Variants in SLC28A1 observed in about 807,000 individuals in gnomAD.
The protein encoded by SLC28A1 is sodium/nucleoside cotransporter 1.
In SLC28A1, 64 loss-of-function variants were observed where a neutral mutation model predicts 74.8. That is an observed-to-expected ratio of 0.86 (90% CI 0.70 to 1.05). The LOEUF is 1.05. Among genes scored for constraint, SLC28A1 ranks in the 50% least tolerant of loss-of-function variants. SLC28A1 has a pLI of 0.00. For missense variants in SLC28A1, 828 were observed against 822.8 expected, an observed-to-expected ratio of 1.01 and a Z score of -0.08; for synonymous variants, 359 against 335.0, an observed-to-expected ratio of 1.07 and a Z score of -0.78.
intron 9 of SLC28A1, among the ~76,000 whole-genome samples, chr15:84,910,467 G>A (rs528766933): frequency 3.1e-4 from 47 of 152,310 alleles, no homozygotes; most frequent in East Asian, 3.9e-4. Flanking sequence ...GGTGGCTCAT[G>A]CCTGTAATCC....
chr15:84,952,955 A>C, the SLC28A1 span, among the ~76,000 whole-genome samples: 1 of 152,250 alleles, frequency 6.6e-6, no homozygotes, highest in South Asian at 2.1e-4. Context: ...TTATCCCTTG[A>C]AACTTCCTTC....
At chr15:84,956,442 C>CTTT in the SLC28A1 span, among the ~76,000 whole-genome samples, 9 of 124,656 alleles carry the variant, frequency 7.2e-5, no homozygotes, top group African/African-American at 2.7e-4. Flanking sequence ...TTCCTTCCTT[C>CTTT]CTTTCTTTCT....
intron 12 of SLC28A1, among the ~76,000 whole-genome samples, chr15:84,928,590 CTTTCTTTCTTTCT>C (rs1970852104): frequency 6.5e-5 from 1 of 15,358 alleles, no homozygotes; most frequent in Admixed American, 5.2e-4. Context: ...TTCTTTCTTT[CTTTCTTTCTTTCT>C]TTTCTTTCTT....
chr15:84,975,578 G>C, the SLC28A1 span: 1 of 455,754 alleles, frequency 2.2e-6, no homozygotes, highest in Non-Finnish European at 4.4e-6. Context: ...GTATCTTGGA[G>C]GCTCTCAGCT....
At chr15:84,910,066 G>C (rs1967909040) in intron 9 of SLC28A1, among the ~76,000 whole-genome samples, 1 of 152,176 alleles carries the variant, frequency 6.6e-6, no homozygotes, top group Non-Finnish European at 1.5e-5. Flanking sequence ...TCCCCTTGGA[G>C]CCTTAGCATC....
intron 9 of SLC28A1, among the ~76,000 whole-genome samples, chr15:84,913,425 T>C (rs1968627589): frequency 6.6e-6 from 1 of 152,154 alleles, no homozygotes; most frequent in Non-Finnish European, 1.5e-5. Context: ...AAAGCCTGTT[T>C]CTTGGCCCAG....
At position 84,935,342 on chromosome 15, in the gene SLC28A1, C is replaced by CGGCCTG; in HGVS notation, c.1406_1411dup (p.Pro470_Val471insGlyPro). On this transcript the variant is annotated inframe_insertion, in exon 15 of 19. Coordinates refer to ENST00000394573, the MANE Select transcript of SLC28A1 (RefSeq NM_004213.5). ...TCAGCTCATCTGCTCCTACATCCTG[C>CGGCCTG]GGCCTGTAGCCTTCTTGATGGGTGT... 1 of 1,614,184 alleles carries CGGCCTG rather than the reference C, an allele frequency of 6.2e-7. No individual in the cohort carries two copies. Among genetic ancestry groups the CGGCCTG allele is most frequent in the East Asian group, 2.2e-5 (1 of 44,884 alleles).
At chr15:84,908,591 C>CA (rs1203780555) in intron 8 of SLC28A1, 127 bp from the exon 9 acceptor site, 17 of 763,852 alleles carry the variant, frequency 2.2e-5, no homozygotes, top group Middle Eastern at 2.3e-4. Context: ...GGTGGTGCCC[C>CA]CCCCCGGATA....
At chr15:84,915,943 G>C (rs544656403) in intron 9 of SLC28A1, among the ~76,000 whole-genome samples, 90 of 151,444 alleles carry the variant, frequency 5.9e-4, no homozygotes, top group African/African-American at 1.8e-3. Context: ...TGTTGTTGTT[G>C]TTGTTGTTGT....
At chr15:84,911,718 G>A (rs1968251058) in intron 9 of SLC28A1, among the ~76,000 whole-genome samples, 1 of 152,004 alleles carries the variant, frequency 6.6e-6, no homozygotes, top group South Asian at 2.1e-4. Context: ...AATTAGCCAG[G>A]CATGGTGGCG....
intron 13 of SLC28A1, among the ~76,000 whole-genome samples, chr15:84,934,251 G>A (rs1971632821): frequency 6.6e-6 from 1 of 152,220 alleles, no homozygotes; most frequent in Non-Finnish European, 1.5e-5. Context: ...CAATGGACCA[G>A]GCAAGGCTTG....
chr15:84,901,233 C>T (rs1966656397), intron 6 of SLC28A1, among the ~76,000 whole-genome samples: 1 of 150,018 alleles, frequency 6.7e-6, no homozygotes, highest in South Asian at 2.1e-4. Flanking sequence ...AGGCCAAGAG[C>T]AGTGGCTCAC....
intron 6 of SLC28A1, among the ~76,000 whole-genome samples, chr15:84,901,621 A>G (rs938222895): frequency 5.9e-5 from 9 of 152,258 alleles, no homozygotes; most frequent in Non-Finnish European, 1.0e-4. Context: ...GATGCTCAAC[A>G]TCATTTATCA....
intron 12 of SLC28A1, among the ~76,000 whole-genome samples, chr15:84,928,589 T>TC (rs1567172427): frequency 1.0e-3 from 20 of 19,204 alleles, no homozygotes; most frequent in East Asian, 5.4e-3. Context: ...TTTCTTTCTT[T>TC]CTTTCTTTCT....
chr15:84,885,394 T>C (rs926385394), intron 1 of SLC28A1, among the ~76,000 whole-genome samples: 1 of 151,496 alleles, frequency 6.6e-6, no homozygotes. Flanking sequence ...TGATCCCCTA[T>C]TGGAAAATGA....
intron 6 of SLC28A1, among the ~76,000 whole-genome samples, chr15:84,903,841 A>T (rs1392729964): frequency 6.6e-6 from 1 of 152,178 alleles, no homozygotes; most frequent in Non-Finnish European, 1.5e-5. Context: ...AACCTTGAGA[A>T]ATGAGGGGTC....
chr15:84,949,158 A>G (rs905849108), downstream of SLC28A1, among the ~76,000 whole-genome samples: 1 of 152,178 alleles, frequency 6.6e-6, no homozygotes, highest in Non-Finnish European at 1.5e-5. Context: ...TGTTCCTCAC[A>G]TAACACATAG....
chr15:84,942,294 A>T (rs1972805414), intron 15 of SLC28A1, among the ~76,000 whole-genome samples: 1 of 152,200 alleles, frequency 6.6e-6, no homozygotes, highest in African/African-American at 2.4e-5. Context: ...CAATCCAATT[A>T]TACTCTTAGT....
chr15:84,943,109 C>T lies in SLC28A1; in HGVS notation c.1582-336C>T, dbSNP rs1396251161. Among the ~76,000 whole-genome samples the T allele has an allele frequency of 5.9e-5, 9 of 152,118 alleles. 1 individual carries two copies. The highest frequency in any genetic ancestry group is 5.9e-4 in the Admixed American group (9 of 15,272). On this transcript the variant is annotated intron_variant, in intron 15 of 18. Coordinates refer to ENST00000394573, the MANE Select transcript of SLC28A1 (RefSeq NM_004213.5). ...GCTGAGGCAGGAGAATGGCTTGAACCCAGGAGGCACAGGTTGCAGTGGGCT... is the reference window on the plus strand; with the variant it reads ...GCTGAGGCAGGAGAATGGCTTGAACTCAGGAGGCACAGGTTGCAGTGGGCT...
Sources: allele counts gnomAD v4.1 joint callset (sites outside exome capture counted in the v4.1 genomes callset), GRCh38; gene constraint gnomAD v4.1.1; transcripts MANE v1.5; gene names NCBI Gene and HGNC (gene_info 2026-07-23, HGNC 2026-07-21).